The following STS variants were observed in gnomAD, a reference collection of about 807,000 sequenced individuals.
STS encodes steroid sulfatase, also known as steryl-sulfatase.
In STS, 7 loss-of-function variants were observed where a neutral mutation model predicts 26.8. The ratio of observed to expected loss-of-function variants is 0.26; its 90% confidence interval spans 0.15 to 0.49. STS has a LOEUF of 0.49. Ranked by LOEUF, STS falls within the 20% of genes least tolerant of loss-of-function variation. The pLI, the probability that STS is intolerant of heterozygous loss-of-function variation, is 0.98. For missense variants in STS, 434 were observed against 465.6 expected (o/e 0.93, Z 0.63); for synonymous variants, 199 against 189.4 (o/e 1.05, Z -0.42).
chrX:7,343,516 T>C (rs764066470), intron 10 of STS, among the ~76,000 whole-genome samples: 1 of 112,119 alleles, frequency 8.9e-6, no homozygotes. Flanking sequence ...CTCAAAGCAA[T>C]GCTACCAGGG....
chrX:7,170,765 G>C (rs1381958854), intron 1 of STS, among the ~76,000 whole-genome samples: 2 of 110,830 alleles, frequency 1.8e-5, no homozygotes, highest in Admixed American at 1.9e-4. Flanking sequence ...GATTATACGT[G>C]TGAGCCACTG....
intron 1 of STS, among the ~76,000 whole-genome samples, chrX:7,187,532 C>T (rs1203460867): frequency 1.8e-5 from 2 of 112,159 alleles, no homozygotes; most frequent in African/African-American, 6.5e-5. Flanking sequence ...TTAATAACTA[C>T]ACGGCCTGGG....
chrX:7,230,727 CTCACTA>C (rs1279968666), intron 2 of STS, among the ~76,000 whole-genome samples: 8 of 111,098 alleles, frequency 7.2e-5, no homozygotes, highest in South Asian at 7.7e-4. Context: ...CTCATGAGAG[CTCACTA>C]TCACAAGAAC....
Position 7,353,581 on chromosome X carries a change from T to C in STS, c.*3320T>C, listed in dbSNP as rs749753048. 9.0e-6 allele frequency: 1 copy of C among 110,796 alleles called. No homozygotes were observed. The highest frequency in any genetic ancestry group is 3.8e-4 in the South Asian group (1 of 2,616). The allele number at this position is 110,796 out of a possible 1,213,427, so 9.1% of individuals were successfully genotyped here. A position where few individuals can be genotyped will look rare whatever the true frequency, so the allele number is the denominator to read the frequency against. On this transcript the variant is annotated 3_prime_UTR_variant, in exon 11 of 11. Coordinates refer to ENST00000674429, the MANE Select transcript of STS (RefSeq NM_001320752.2). Reference sequence around the variant, plus strand: ...CTCTACAAATACCTGGGGCAGAAATTTGATTTGAAAAGTATTATTCTCTCT... The same window carrying C: ...CTCTACAAATACCTGGGGCAGAAATCTGATTTGAAAAGTATTATTCTCTCT...
chrX:7,205,962 G>A (rs756364181), intron 2 of STS, among the ~76,000 whole-genome samples: 1 of 110,196 alleles, frequency 9.1e-6, no homozygotes, highest in Non-Finnish European at 1.9e-5. Context: ...TAATTGTCTT[G>A]TACCACTCAG....
intron 2 of STS, among the ~76,000 whole-genome samples, chrX:7,245,907 T>G (rs776389991): frequency 1.8e-5 from 2 of 112,125 alleles, no homozygotes; most frequent in African/African-American, 6.5e-5. Context: ...GGTCCATTGT[T>G]ACAATCGTGG....
chrX:7,242,989 C>G (rs934964417), intron 2 of STS, among the ~76,000 whole-genome samples: 2 of 112,529 alleles, frequency 1.8e-5, no homozygotes, highest in African/African-American at 3.2e-5. Context: ...GAATTGCTTT[C>G]CACTGGAAAG....
Position 7,219,548 on chromosome X carries a change from G to C in STS, c.-5+28540G>C, listed in dbSNP as rs1453314620. 9.2e-6 allele frequency: 11 copies of C among 1,198,999 alleles called. No individual in the cohort carries two copies. The Admixed American group carries it at 2.5e-4, about 27-fold the overall frequency. On this transcript the variant is annotated intron_variant, in intron 2 of 10. Transcript: ENST00000674429. ...TAGGATTGGCCTGCTTCAAAGCAGA[G>C]GTTTCTCATGGGAATATGCTTATTA... is the stretch of plus-strand genomic sequence containing the variant.
intron 7 of STS, among the ~76,000 whole-genome samples, chrX:7,304,186 C>A (rs1381030083): frequency 8.9e-6 from 1 of 111,824 alleles, no homozygotes; most frequent in African/African-American, 3.3e-5. Context: ...TCTTAAGTAT[C>A]TGAACTTGAA....
chrX:7,234,870 A>G (rs1200437567), intron 2 of STS, among the ~76,000 whole-genome samples: 2 of 111,873 alleles, frequency 1.8e-5, no homozygotes, highest in Admixed American at 1.9e-4. Flanking sequence ...TCCTTCTATA[A>G]TTCACTATTA....
chrX:7,290,836 A>G (rs1925379398), intron 7 of STS, among the ~76,000 whole-genome samples: 1 of 111,878 alleles, frequency 8.9e-6, no homozygotes, highest in Non-Finnish European at 1.9e-5. Flanking sequence ...GATGTTTTGA[A>G]GAGTGCCTTC....
At chrX:7,182,361 C>A (rs1277695476) in intron 1 of STS, among the ~76,000 whole-genome samples, 2 of 109,142 alleles carry the variant, frequency 1.8e-5, no homozygotes, top group Non-Finnish European at 3.8e-5. Context: ...TTCCCCTGGC[C>A]TCAGCTGGCA....
chrX:7,183,972 A>G (rs183207382), intron 1 of STS, among the ~76,000 whole-genome samples: 1 of 110,039 alleles, frequency 9.1e-6, no homozygotes, highest in Admixed American at 9.7e-5. Flanking sequence ...ACTGCATTCT[A>G]GCCTGGGCAA....
At chrX:7,255,950 C>T (rs1424240097) in intron 3 of STS, among the ~76,000 whole-genome samples, 1 of 112,360 alleles carries the variant, frequency 8.9e-6, no homozygotes, top group African/African-American at 3.2e-5. Flanking sequence ...TACTCCCACC[C>T]TACAGGCAGC....
At chrX:7,248,155 T>G (rs1601684245) in intron 2 of STS, among the ~76,000 whole-genome samples, 2 of 112,414 alleles carry the variant, frequency 1.8e-5, no homozygotes, top group East Asian at 5.6e-4. Context: ...GCATACCCTT[T>G]GTCTGTCTTT....
At chrX:7,208,895 G>C (rs1404407212) in intron 2 of STS, among the ~76,000 whole-genome samples, 1 of 111,291 alleles carries the variant, frequency 9.0e-6, no homozygotes, top group Non-Finnish European at 1.9e-5. Context: ...CTTCTAGAGG[G>C]CACCTACCTT....
At chrX:7,297,429 G>T (rs1300596676) in intron 7 of STS, among the ~76,000 whole-genome samples, 1 of 111,116 alleles carries the variant, frequency 9.0e-6, no homozygotes, top group Non-Finnish European at 1.9e-5. Flanking sequence ...GTGTTAGTTT[G>T]GTTCAGCCAG....
intron 2 of STS, among the ~76,000 whole-genome samples, chrX:7,203,176 C>G (rs746556729): frequency 8.9e-6 from 1 of 112,094 alleles, no homozygotes; most frequent in Admixed American, 9.5e-5. Flanking sequence ...CTACCCACGC[C>G]ACAAGTTCTT....
intron 7 of STS, among the ~76,000 whole-genome samples, chrX:7,300,577 G>T (rs1330031230): frequency 1.8e-5 from 2 of 111,785 alleles, no homozygotes; most frequent in African/African-American, 6.5e-5. Flanking sequence ...TCTGGCTTAA[G>T]ACCTGAGTAG....
Sources: gnomAD v4.1 joint callset for allele counts (sites outside exome capture counted in the v4.1 genomes callset) on GRCh38, gnomAD v4.1.1 for gene constraint, MANE v1.5 for transcripts, NCBI Gene and HGNC (gene_info 2026-07-23, HGNC 2026-07-21) for gene names.